The following DNMT1 variants were observed in gnomAD, a reference collection of about 807,000 sequenced individuals.
DNMT1 encodes the protein DNA (cytosine-5)-methyltransferase 1.
A neutral mutation model predicts 205.3 loss-of-function variants in DNMT1; 24 were observed. The observed-to-expected ratio is 0.12, with a 90% CI of 0.08 to 0.16. The LOEUF (loss-of-function observed/expected upper bound fraction) is 0.16. Among genes scored for constraint, DNMT1 ranks in the 10% least tolerant of loss-of-function variants. The pLI is 1.00. For missense variants in DNMT1, 1,293 were observed against 2,177.7 expected (o/e 0.59, Z 8.09); for synonymous variants, 817 against 839.8 (o/e 0.97, Z 0.47).
intron 33 of DNMT1, 62 bp from the exon 34 acceptor site, chr19:10,139,879 C>T (rs2089566695): frequency 3.2e-6 from 5 of 1,558,320 alleles, no homozygotes; most frequent in African/African-American, 1.4e-5. Flanking sequence ...AAACGACCCA[C>T]TGTGCCGGAA....
In DNMT1 at chr19:10,180,466, C is replaced by A; in HGVS notation, c.329G>T (p.Gly110Val). Residue 110 changes from glycine to valine, a missense_variant, in exon 4 of 41, where the codon GGG becomes GTG. Around this residue, in one of 13 missense-constraint regions of DNMT1, gnomAD observed 394 missense variants for 451.6 expected, o/e 0.87. Transcript: ENST00000359526. ...NREVNGRLEN[G>V]NQARSEARRV... ...ACGGGCTTCACTTCTTGCTTGGTTC[C>A]CGTTTTCTAGACGTCCATTCACTTC... The A allele has an allele frequency of 6.2e-7, 1 of 1,614,126 alleles. No individual in the cohort carries two copies. The highest frequency in any genetic ancestry group is 8.5e-7 in the Non-Finnish European group (1 of 1,180,020).
At chr19:10,136,329 G>C (rs756585203) in intron 37 of DNMT1, 42 bp from the exon 38 acceptor site, 1 of 1,610,270 alleles carries the variant, frequency 6.2e-7, no homozygotes, top group Non-Finnish European at 8.5e-7. Flanking sequence ...TGTGGGATGG[G>C]GTATAGGCTT....
intron 1 of DNMT1, among the ~76,000 whole-genome samples, chr19:10,190,990 G>A (rs1258209277): frequency 6.6e-6 from 1 of 151,842 alleles, no homozygotes; most frequent in Non-Finnish European, 1.5e-5. Context: ...GCGGGCGCCT[G>A]TAATCCCAGC....
In DNMT1 at chr19:10,151,660, C is replaced by T. The variant is rs1010322768; in HGVS notation, c.2117+90G>A. 8 of 1,605,254 alleles carry T rather than the reference C, an allele frequency of 5.0e-6. No individual in the cohort carries two copies. The highest frequency in any genetic ancestry group is 6.8e-6 in the Non-Finnish European group (8 of 1,173,340). ...AATGCCTAACGAAGGAATCCTGGTG[C>T]TGTCCCACACATGCAGGCCCTTCTC... On this transcript the variant is annotated intron_variant, in intron 23 of 40. Coordinates refer to ENST00000359526, the MANE Select transcript of DNMT1 (RefSeq NM_001130823.3). This position sits in a 1 kb window ranked among gnomAD's most constrained non-coding sequence, Gnocchi z 5.0.
chr19:10,183,703 C>T (rs1035801926), intron 1 of DNMT1, among the ~76,000 whole-genome samples: 1 of 151,850 alleles, frequency 6.6e-6, no homozygotes, highest in African/African-American at 2.4e-5. Context: ...ATGGCGAAAC[C>T]CCATCTCTAC....
At position 10,143,934 on chromosome 19, in the gene DNMT1, T is replaced by C; in HGVS notation, c.2948A>G (p.Asp983Gly). Residue 983 changes from aspartate to glycine, a missense_variant, in exon 29 of 41, where the codon GAC becomes GGC. Physicochemically the swap from Asp to Gly is moderately conservative, Grantham distance 94 (BLOSUM62 -1). Transcript: ENST00000359526. ...KRPRKEPVDE[D>G]LYPEHYRKYS... The stretch of plus-strand genomic sequence containing the variant: ...TTTCCGGTAGTGCTCTGGGTACAGG[T>C]CCTCATCCACGGGCTCCTTCCGTGG... The C allele has an allele frequency of 6.2e-7, 1 of 1,614,110 alleles. No homozygotes were observed. Among genetic ancestry groups the C allele is most frequent in the Non-Finnish European group, 8.5e-7 (1 of 1,180,020 alleles).
chr19:10,160,747 T>C (rs2038550654), intron 13 of DNMT1, among the ~76,000 whole-genome samples: 1 of 152,056 alleles, frequency 6.6e-6, no homozygotes, highest in Non-Finnish European at 1.5e-5. Context: ...ATACAAAGAT[T>C]AGCCAGGCGG....
intron 7 of DNMT1, 137 bp downstream of exon 7, chr19:10,175,403 T>C (rs1331767788): frequency 1.3e-5 from 11 of 863,568 alleles, no homozygotes; most frequent in Non-Finnish European, 2.1e-5. Flanking sequence ...TACATTCTAT[T>C]GGTCCTGTCT....
At chr19:10,145,589 A>T (rs1225719585) in intron 28 of DNMT1, among the ~76,000 whole-genome samples, 1 of 152,264 alleles carries the variant, frequency 6.6e-6, no homozygotes, top group African/African-American at 2.4e-5. Context: ...CCTCTGACAC[A>T]GAGAAGTCAT....
Position 10,146,348 on chromosome 19 carries a change from T to C in DNMT1, c.2894+3A>G, listed in dbSNP as rs1221238100. 8.7e-6 allele frequency: 14 copies of C among 1,613,720 alleles called. No homozygotes were observed. The highest frequency in any genetic ancestry group is 1.2e-5 in the Non-Finnish European group (14 of 1,179,980). ...GCCCCGGCTGCTCCGAGGGGGCACT[T>C]ACTTGAACGTGAAGGCCTCAGGGGG... On this transcript the variant is annotated splice_donor_region_variant and intron_variant, in intron 28 of 40. Transcript: ENST00000359526. The surrounding 1 kb of genome is among the most constrained non-coding windows in gnomAD (Gnocchi z 4.4).
intron 11 of DNMT1, among the ~76,000 whole-genome samples, chr19:10,165,719 A>G (rs540395447): frequency 2.0e-5 from 3 of 152,250 alleles, no homozygotes; most frequent in East Asian, 1.9e-4. Context: ...CCATGAGGCA[A>G]AAGTGCTGGC....
chr19:10,142,204 TGTG>T lies in DNMT1; in HGVS notation c.3130_3132del (p.His1044del). 1 of 1,614,002 alleles carries T rather than the reference TGTG, an allele frequency of 6.2e-7. No homozygotes were observed. The highest frequency in any genetic ancestry group is 8.5e-7 in the Non-Finnish European group (1 of 1,180,022). The stretch of plus-strand genomic sequence containing the variant: ...GCGTGGTAGCTCGCTGGAGTGGACT[TGTG>T]GGTGTTCTCAGGCCTGCGAGCGGGA... On this transcript the variant is annotated inframe_deletion, in exon 30 of 41. Transcript: ENST00000359526.
Position 10,142,054 on chromosome 19 carries a change from C to T in DNMT1, c.3283G>A (p.Gly1095Ser), listed in dbSNP as rs747265409. The T allele has an allele frequency of 3.1e-6, 5 of 1,612,116 alleles. No individual in the cohort carries two copies. Among genetic ancestry groups the T allele is most frequent in the Admixed American group, 1.7e-5 (1 of 59,982 alleles). ...PECVQVYSMG[G>S]PNRFYFLEAY... ...TCGAGGAAGTAGAAGCGGTTGGGGC[C>T]GCCCATGGAGTACACCTGGACGCAC... is the stretch of plus-strand genomic sequence containing the variant. Residue 1095 changes from glycine (G) to serine (S), a missense_variant, in exon 30 of 41, where the codon GGC (glycine) becomes AGC (serine). Transcript: ENST00000359526.
rs1430282112 is a variant in DNMT1, at chr19:10,140,561, G to A, written c.3523+220C>T. ...ATTTTTGTATTCTTATTAGAGACGG[G>A]GTTTCACCATGTTGGCCAGGATGGT... On this transcript the variant is annotated intron_variant, in intron 32 of 40. Transcript: ENST00000359526. The surrounding 1 kb of genome is among the most constrained non-coding windows in gnomAD (Gnocchi z 8.4). 2.2e-6 allele frequency: 2 copies of A among 916,216 alleles called. No individual in the cohort carries two copies. The highest frequency in any genetic ancestry group is 3.3e-4 in the Middle Eastern group (1 of 3,022). The allele number at this position is 916,216 out of a possible 1,614,324, so 56.8% of individuals were successfully genotyped here. A position where few individuals can be genotyped will look rare whatever the true frequency, so the allele number is the denominator to read the frequency against.
rs1303061197 is a variant in DNMT1 at position 10,146,594 on chromosome 19, A to T, written c.2721-70T>A. 1.3e-6 allele frequency: 2 copies of T among 1,584,814 alleles called. No individual in the cohort carries two copies. Among genetic ancestry groups the T allele is most frequent in the Non-Finnish European group, 1.7e-6 (2 of 1,158,830 alleles). ...GGCAGTGGCCGCAGCAGCTACTGCC[A>T]GCTTAATCCAGAGACTCTGGTAACC... On this transcript the variant is annotated intron_variant, in intron 27 of 40. Coordinates refer to ENST00000359526, the MANE Select transcript of DNMT1 (RefSeq NM_001130823.3). This position sits in a 1 kb window ranked among gnomAD's most constrained non-coding sequence, Gnocchi z 4.4.
In DNMT1 at chr19:10,135,945, G is replaced by A. The variant is rs142751725; in HGVS notation, c.4657-93C>T. On this transcript the variant is annotated intron_variant, in intron 38 of 40. Transcript: ENST00000359526. ...GGGAAATGGCACTGTGACAGCATAC[G>A]GCCATGGCCTTGGCCTATGAGCTTG... 50 of 1,491,522 alleles carry A rather than the reference G, an allele frequency of 3.4e-5. 1 individual carries two copies. The highest frequency in any genetic ancestry group is 2.1e-4 in the African/African-American group (15 of 72,342). The allele number at this position is 1,491,522 out of a possible 1,614,324, so 92.4% of individuals were successfully genotyped here.
At chr19:10,147,288 AT>A (rs2038221624) in intron 27 of DNMT1, among the ~76,000 whole-genome samples, 1 of 150,968 alleles carries the variant, frequency 6.6e-6, no homozygotes, top group African/African-American at 2.4e-5. Flanking sequence ...AAATAAATAA[AT>A]AAATAAAAGA....
Position 10,146,316 on chromosome 19 carries a change from C to T in DNMT1, c.2894+35G>A, listed in dbSNP as rs775857101. On this transcript the variant is annotated intron_variant, in intron 28 of 40. Coordinates refer to ENST00000359526, the MANE Select transcript of DNMT1 (RefSeq NM_001130823.3). This position sits in a 1 kb window ranked among gnomAD's most constrained non-coding sequence, Gnocchi z 4.4. ...AAAGCCAGCCTGGCTCAGCCTGGAGCGCCCTGGCCCCGGCTGCTCCGAGGG... is the reference window on the plus strand; with the variant it reads ...AAAGCCAGCCTGGCTCAGCCTGGAGTGCCCTGGCCCCGGCTGCTCCGAGGG... The T allele has an allele frequency of 4.3e-5, 69 of 1,610,432 alleles. No individual in the cohort carries two copies. In the South Asian group the frequency reaches 5.7e-4, roughly 13 times the overall value.
At chr19:10,141,219 G>C (rs764706999) in intron 30 of DNMT1, 30 bp from the exon 31 acceptor site, 1 of 1,609,252 alleles carries the variant, frequency 6.2e-7, no homozygotes, top group Non-Finnish European at 8.5e-7. Flanking sequence ...AATCGTTTGG[G>C]AGAGAAACGC....
Sources: gnomAD v4.1 joint callset for allele counts (sites outside exome capture counted in the v4.1 genomes callset) on GRCh38, gnomAD v4.1.1 for gene constraint, gnomAD v4.1.1 regional missense constraint, Gnocchi (gnomAD v3.1) non-coding constraint, MANE v1.5 for transcripts, NCBI Gene and HGNC (gene_info 2026-07-23, HGNC 2026-07-21) for gene names.